ZNF578: variants seen among roughly 807,000 people sequenced by gnomAD.
The protein encoded by ZNF578 is Putative chemokine-related protein B42.
Under a neutral mutation model 8.3 loss-of-function variants are expected in ZNF578, and 8 were observed. The ratio of observed to expected loss-of-function variants is 0.96; its 90% CI spans 0.56 to 1.74. ZNF578 has a LOEUF of 1.74. ZNF578 is among the 40% of genes most tolerant of loss of function. The probability of loss-of-function intolerance (pLI) is 0.00; values close to 1 mark genes in which losing one functional copy is unlikely to be tolerated. For synonymous variants in ZNF578, 206 were observed against 232.2 expected (o/e 0.89, Z 1.03); for missense variants, 726 against 707.5 (o/e 1.03, Z -0.30).
chr19:52,477,595 G>A (rs2059312045), intron 2 of ZNF578, among the ~76,000 whole-genome samples: 1 of 149,414 alleles, frequency 6.7e-6, no homozygotes, highest in African/African-American at 2.5e-5. Context: ...TCCCATTTTA[G>A]GGTTTTTTTT....
chr19:52,488,416 G>T (rs992301416), intron 2 of ZNF578, among the ~76,000 whole-genome samples: 7 of 151,902 alleles, frequency 4.6e-5, no homozygotes, highest in African/African-American at 1.5e-4. Flanking sequence ...TTTCCATCCT[G>T]GCTAACACGG....
At chr19:52,476,118 A>C (rs78477837) in intron 2 of ZNF578, among the ~76,000 whole-genome samples, 2 of 152,144 alleles carry the variant, frequency 1.3e-5, no homozygotes, top group African/African-American at 4.8e-5. Context: ...AAAAAAAAAA[A>C]ACAATCCTTA....
At chr19:52,502,107 C>G (rs1025076428) in intron 4 of ZNF578, among the ~76,000 whole-genome samples, 199 bp downstream of exon 4, 1 of 152,168 alleles carries the variant, frequency 6.6e-6, no homozygotes, top group Non-Finnish European at 1.5e-5. Context: ...TCTCCTGTGA[C>G]CCAGTGACAT....
chr19:52,472,041 G>A (rs1279471991), intron 2 of ZNF578, among the ~76,000 whole-genome samples: 4 of 152,030 alleles, frequency 2.6e-5, no homozygotes, highest in African/African-American at 9.7e-5. Flanking sequence ...TCATATAAAT[G>A]AAAGTGCATG....
chr19:52,507,544 A>G (rs939471874), intron 5 of ZNF578, among the ~76,000 whole-genome samples: 1 of 152,094 alleles, frequency 6.6e-6, no homozygotes, highest in Non-Finnish European at 1.5e-5. Context: ...TCAAAAACAG[A>G]CAAAAAAAGA....
intron 2 of ZNF578, chr19:52,475,269 AT>A (rs1248476415): frequency 1.8e-5 from 4 of 218,720 alleles, no homozygotes; most frequent in Non-Finnish European, 3.9e-5. Context: ...TGTGGGAGCA[AT>A]GGAGAATCAA....
chr19:52,479,274 G>A lies in ZNF578; in HGVS notation c.-121-12050G>A, dbSNP rs963987507. The stretch of plus-strand genomic sequence containing the variant: ...CCCAAGGCCGGGCGCAGTGGCTCAC[G>A]CCTGTAATCCCAGCACTTTGGGAGG... On this transcript the variant is annotated intron_variant, in intron 2 of 5. Transcript: ENST00000421239. 6.6e-5 allele frequency among the ~76,000 whole-genome samples: 10 copies of A among 151,716 alleles called. No individual in the cohort carries two copies. The South Asian group carries it at 1.7e-3, about 25-fold the overall frequency.
intron 2 of ZNF578, among the ~76,000 whole-genome samples, chr19:52,481,597 T>G (rs1316482004): frequency 1.3e-5 from 2 of 152,348 alleles, no homozygotes; most frequent in African/African-American, 4.8e-5. Context: ...TAGCTTCCAC[T>G]TGTAATCCCT....
chr19:52,476,427 T>C (rs895780725), intron 2 of ZNF578, among the ~76,000 whole-genome samples: 1 of 152,192 alleles, frequency 6.6e-6, no homozygotes, highest in African/African-American at 2.4e-5. Flanking sequence ...GTAAGGCAGT[T>C]GGCAGAGGAG....
intron 2 of ZNF578, among the ~76,000 whole-genome samples, chr19:52,460,167 GC>G (rs1414897443): frequency 6.6e-6 from 1 of 151,814 alleles, no homozygotes; most frequent in Non-Finnish European, 1.5e-5. Context: ...ACACACCCAT[GC>G]CCAGAAGTGG....
intron 2 of ZNF578, among the ~76,000 whole-genome samples, chr19:52,487,620 A>T (rs1335649147): frequency 6.6e-6 from 1 of 152,126 alleles, no homozygotes; most frequent in East Asian, 1.9e-4. Flanking sequence ...GTCTGTTATT[A>T]CATAATACTT....
intron 3 of ZNF578, among the ~76,000 whole-genome samples, chr19:52,493,565 T>C (rs199894096): frequency 6.6e-6 from 1 of 151,530 alleles, no homozygotes; most frequent in African/African-American, 2.4e-5. Flanking sequence ...TCTGGGGTGC[T>C]AGAGAGTGGG....
intron 3 of ZNF578, chr19:52,492,832 T>G (rs531956204): frequency 6.6e-6 from 1 of 152,426 alleles, no homozygotes; most frequent in South Asian, 2.1e-4. Flanking sequence ...CCAGGTGGCG[T>G]ATCGCTTGGA....
In ZNF578 at chr19:52,466,698, G is replaced by A. The variant is rs572599006; in HGVS notation, c.-122+9740G>A. On this transcript the variant is annotated intron_variant, in intron 2 of 5. Transcript: ENST00000421239. ...AACTGTTATATAAGTTAATTTAATC[G>A]TGTGTATATGTATGTCTACATGAGT... Among the ~76,000 whole-genome samples, 14 of 152,184 alleles carry A rather than the reference G, an allele frequency of 9.2e-5. No homozygotes were observed. In the South Asian group the frequency reaches 2.9e-3, roughly 32 times the overall value.
intron 5 of ZNF578, among the ~76,000 whole-genome samples, chr19:52,505,787 T>G (rs2059423631): frequency 1.3e-5 from 2 of 152,184 alleles, no homozygotes; most frequent in Non-Finnish European, 2.9e-5. Flanking sequence ...CTGTAAGAGA[T>G]ATGGTTTTCA....
chr19:52,461,882 G>A (rs777359977), intron 2 of ZNF578, among the ~76,000 whole-genome samples: 71 of 152,086 alleles, frequency 4.7e-4, no homozygotes, highest in Non-Finnish European at 1.3e-4. Flanking sequence ...ATTATTTTTG[G>A]ATGTGGTCCG....
intron 2 of ZNF578, among the ~76,000 whole-genome samples, chr19:52,472,955 A>G (rs1439319177): frequency 6.6e-6 from 1 of 152,216 alleles, no homozygotes; most frequent in Non-Finnish European, 1.5e-5. Flanking sequence ...ATATTTCTTC[A>G]GCATGCAATG....
intron 2 of ZNF578, among the ~76,000 whole-genome samples, chr19:52,484,719 T>A: frequency 6.6e-6 from 1 of 151,752 alleles, no homozygotes; most frequent in Non-Finnish European, 1.5e-5. Flanking sequence ...TCCTGGCTCA[T>A]CCTGGCTCAA....
intron 2 of ZNF578, among the ~76,000 whole-genome samples, chr19:52,484,266 G>A (rs533344423): frequency 6.6e-6 from 1 of 152,326 alleles, no homozygotes; most frequent in South Asian, 2.1e-4. Flanking sequence ...TCAGTAGATG[G>A]TATATACAAT....
Sources: gnomAD v4.1 joint callset for allele counts (sites outside exome capture counted in the v4.1 genomes callset) on GRCh38, gnomAD v4.1.1 for gene constraint, MANE v1.5 for transcripts, NCBI Gene and HGNC (gene_info 2026-07-23, HGNC 2026-07-21) for gene names.